The following MEIS3 variants were observed in gnomAD, a reference collection of about 807,000 sequenced individuals.
MEIS3 encodes the protein Meis homeobox 3.
Under a neutral mutation model 51.4 loss-of-function variants are expected in MEIS3, and 38 were observed. The ratio of observed to expected loss-of-function variants is 0.74; its 90% CI spans 0.57 to 0.97. The LOEUF is 0.97. MEIS3 is among the 50% of genes least tolerant of loss of function. MEIS3 has a pLI of 0.00. For synonymous variants in MEIS3, 198 were observed against 201.8 expected (o/e 0.98, Z 0.16); for missense variants, 456 against 502.6 (o/e 0.91, Z 0.89).
intron 1 of MEIS3, chr19:47,418,073 G>C (rs1599830858): frequency 4.1e-6 from 1 of 244,064 alleles, no homozygotes; most frequent in African/African-American, 2.3e-5. Flanking sequence ...TGCCGGAGAG[G>C]GTCACTCCGC....
In MEIS3 at chr19:47,417,809, C is replaced by G. The variant is rs188444760; in HGVS notation, c.13-459G>C. The G allele has an allele frequency of 1.2e-3, 736 of 622,854 alleles. 7 individuals carry two copies. The Middle Eastern group carries it at 0.015, about 13-fold the overall frequency. 38.6% of individuals were successfully genotyped at this position (622,854 alleles called of 1,614,324 possible). Reference sequence around the variant, plus strand: ...GGCAGATAAGCGCATCAGAGTAAGTCTCAACAACATGTCACACTCCACTCG... The same window carrying G: ...GGCAGATAAGCGCATCAGAGTAAGTGTCAACAACATGTCACACTCCACTCG... On this transcript the variant is annotated intron_variant, in intron 1 of 12. Transcript: ENST00000558555.
At position 47,406,592 on chromosome 19, in the gene MEIS3, TC is replaced by T. The variant is rs996502925; in HGVS notation, c.1079-67del. On this transcript the variant is annotated intron_variant, in intron 11 of 12. Coordinates refer to ENST00000558555, the MANE Select transcript of MEIS3 (RefSeq NM_001301059.2). ...AGACACCCCCAGATGCCTCTAAGTC[TC>T]CCTCACCCCTTCCTACACCAGGGGA... The T allele has an allele frequency of 3.4e-5, 50 of 1,465,712 alleles. No individual in the cohort carries two copies. The African/African-American group carries it at 6.3e-4, about 18-fold the overall frequency. The allele number at this position is 1,465,712 out of a possible 1,614,324, so 90.8% of individuals were successfully genotyped here.
upstream of MEIS3, among the ~76,000 whole-genome samples, chr19:47,421,982 C>CA (rs1971725310): frequency 1.3e-5 from 2 of 151,896 alleles, no homozygotes. Flanking sequence ...ATAAATACAT[C>CA]GCCCCCTTCC....
At chr19:47,408,535 C>T (rs773416862) in intron 8 of MEIS3, among the ~76,000 whole-genome samples, 16 of 152,032 alleles carry the variant, frequency 1.1e-4, no homozygotes, top group East Asian at 3.9e-4. Context: ...TCCCTGCCTC[C>T]GAGTTTCTGT....
chr19:47,416,368 AC>A, intron 4 of MEIS3: 1 of 416,220 alleles, frequency 2.4e-6, no homozygotes, highest in East Asian at 4.4e-5. Flanking sequence ...AGACATTACT[AC>A]CAGCCACACT....
upstream of MEIS3, among the ~76,000 whole-genome samples, chr19:47,421,986 C>G (rs1971725457): frequency 6.6e-6 from 1 of 151,948 alleles, no homozygotes. Context: ...ATACATCGCC[C>G]CCTTCCCGTC....
chr19:47,408,068 G>A (rs1234312608), intron 8 of MEIS3, among the ~76,000 whole-genome samples: 1 of 152,156 alleles, frequency 6.6e-6, no homozygotes, highest in Non-Finnish European at 1.5e-5. Context: ...GCCTCCCAAA[G>A]TGTTGGGATT....
In MEIS3 at chr19:47,417,286, T is replaced by G; in HGVS notation, c.77A>C (p.Glu26Ala). ...GGGCCCTGGTACTGCGGGCACTGTC[T>G]CTGGGAAGCTAGCCAGGGCTGCGGG... ...DGPAALASFP[E>A]TVPAVPGPYG... Residue 26 changes from glutamate (E) to alanine (A), a missense_variant, in exon 2 of 13, where the codon GAG becomes GCG. By Grantham distance (107) the Glu-to-Ala change is moderately radical. Coordinates refer to ENST00000558555, the MANE Select transcript of MEIS3 (RefSeq NM_001301059.2). The G allele has an allele frequency of 6.2e-7, 1 of 1,613,506 alleles. No homozygotes were observed. The highest frequency in any genetic ancestry group is 8.5e-7 in the Non-Finnish European group (1 of 1,179,798).
chr19:47,417,919 C>A, intron 1 of MEIS3: 1 of 579,800 alleles, frequency 1.7e-6, no homozygotes, highest in Non-Finnish European at 3.0e-6. Context: ...CCAAATCCCC[C>A]CCCCCACACA....
At chr19:47,417,817 CAT>C (rs1971530501) in intron 1 of MEIS3, 2 of 617,924 alleles carry the variant, frequency 3.2e-6, no homozygotes, top group Admixed American at 2.7e-5. Flanking sequence ...GTCTCAACAA[CAT>C]GTCACACTCC....
At chr19:47,417,152 G>A in intron 2 of MEIS3, 26 bp downstream of exon 2, 1 of 1,533,906 alleles carries the variant, frequency 6.5e-7, no homozygotes, top group Non-Finnish European at 8.7e-7. Flanking sequence ...GAGAGAGACA[G>A]GAGCCTGAGA....
At chr19:47,416,751 A>AC in intron 3 of MEIS3, 49 bp from the exon 4 acceptor site, 4 of 1,612,118 alleles carry the variant, frequency 2.5e-6, no homozygotes, top group Non-Finnish European at 3.4e-6. Flanking sequence ...CCTTCCACCC[A>AC]CCCCTCCTCG....
At chr19:47,409,043 T>C in intron 8 of MEIS3, 56 bp downstream of exon 8, 2 of 1,583,388 alleles carry the variant, frequency 1.3e-6, no homozygotes, top group Non-Finnish European at 1.7e-6. Context: ...GTCTCTGTGG[T>C]CCACCCTTCT....
rs577723503 is a variant in MEIS3, at chr19:47,418,801, T to C, written c.12+269A>G. ...AGAGAGGCAGAAAGGAGGAGGAGAG[T>C]GGGGCAGACAGAGGGGGACAGAGGG... is the stretch of plus-strand genomic sequence containing the variant. On this transcript the variant is annotated intron_variant, in intron 1 of 12. Transcript: ENST00000558555. 34 of 255,232 alleles carry C rather than the reference T, an allele frequency of 1.3e-4. No homozygotes were observed. In the African/African-American group the frequency reaches 1.4e-3, roughly 10 times the overall value. The allele number at this position is 255,232 out of a possible 1,614,324, so 15.8% of individuals were successfully genotyped here.
chr19:47,403,368 G>A lies in MEIS3; in HGVS notation c.*203C>T, dbSNP rs15773. On this transcript the variant is annotated 3_prime_UTR_variant, in exon 13 of 13. Coordinates refer to ENST00000558555, the MANE Select transcript of MEIS3 (RefSeq NM_001301059.2). ...AGGTGAAGGCAGAAGTGGGGCTCAG[G>A]GCCTGGAGGCCTTGCCGGTGTCCTT... The A allele has an allele frequency of 2.2e-6, 1 of 453,598 alleles. No homozygotes were observed. Among genetic ancestry groups the A allele is most frequent in the Admixed American group, 2.4e-5 (1 of 42,394 alleles). 28.1% of individuals were successfully genotyped at this position (453,598 alleles called of 1,614,324 possible).
chr19:47,416,669 G>T lies in MEIS3; in HGVS notation c.379C>A (p.Pro127Thr), dbSNP rs1296817253. 6.4e-7 allele frequency: 1 copy of T among 1,553,082 alleles called. No homozygotes were observed. The change falls in exon 4 of 13, where the codon CCA (proline) becomes ACA (threonine). Residue 127 changes from proline (P) to threonine (T), a missense_variant. Transcript: ENST00000558555. ...RSERPLFSSN[P>T]ELDNLMIQAI... is the part of the protein sequence containing the mutation. ...GGTCTCACCAGATTGTCCAGTTCTG[G>T]GTTGGAGGAGAAGAGGGGCCTCTCA...
chr19:47,404,060 C>G (rs1281987334), intron 12 of MEIS3, among the ~76,000 whole-genome samples: 1 of 151,994 alleles, frequency 6.6e-6, no homozygotes, highest in South Asian at 2.1e-4. Context: ...AAAAATTAGC[C>G]AGGTATGGTG....
At position 47,415,050 on chromosome 19, in the gene MEIS3, C is replaced by T; in HGVS notation, c.447+1G>A. 6.4e-7 allele frequency: 1 copy of T among 1,562,146 alleles called. No individual in the cohort carries two copies. The highest frequency in any genetic ancestry group is 8.7e-7 in the Non-Finnish European group (1 of 1,155,472). The stretch of plus-strand genomic sequence containing the variant: ...GGTGTGGGGAGGTGAGACGCGCTCA[C>T]CTTCTCCAGCTCCAGCAGGTGGAAC... On this transcript the variant is annotated splice_donor_variant, in intron 5 of 12. Transcript: ENST00000558555. LOFTEE classifies it high-confidence loss of function.
chr19:47,403,346 T>G lies in MEIS3; in HGVS notation c.*225A>C. On this transcript the variant is annotated 3_prime_UTR_variant, in exon 13 of 13. Transcript: ENST00000558555. ...GCCCAGCTCGGGTCCCAGGCAGAGG[T>G]GAAGGCAGAAGTGGGGCTCAGGGCC... 2.2e-6 allele frequency: 1 copy of G among 448,320 alleles called. No homozygotes were observed. Among genetic ancestry groups the G allele is most frequent in the Non-Finnish European group, 4.5e-6 (1 of 224,060 alleles). The allele number at this position is 448,320 out of a possible 1,614,324, so 27.8% of individuals were successfully genotyped here.
Sources: gnomAD v4.1 joint callset for allele counts (sites outside exome capture counted in the v4.1 genomes callset) on GRCh38, gnomAD v4.1.1 for gene constraint, MANE v1.5 for transcripts, NCBI Gene and HGNC (gene_info 2026-07-23, HGNC 2026-07-21) for gene names.